ASTN2: variants seen among roughly 807,000 people sequenced by gnomAD.
The protein encoded by ASTN2 is astrotactin 2.
ASTN2 carries 54 observed loss-of-function variants against 139.8 expected under a neutral mutation model. The ratio of observed to expected loss-of-function variants is 0.39; its 90% CI spans 0.31 to 0.48. The LOEUF (loss-of-function observed/expected upper bound fraction) is 0.48. Ranked by LOEUF, ASTN2 falls within the 20% of genes least tolerant of loss-of-function variation. The pLI is 0.95. For synonymous variants in ASTN2, 756 were observed against 719.5 expected (o/e 1.05, Z -0.81); for missense variants, 1,565 against 1,725.1 (o/e 0.91, Z 1.64).
At chr9:116,536,370 T>C (rs554008029) in intron 19 of ASTN2, among the ~76,000 whole-genome samples, 1 of 152,294 alleles carries the variant, frequency 6.6e-6, no homozygotes, top group South Asian at 2.1e-4. Flanking sequence ...AAAGTCTTTC[T>C]CCGTCCAGCT....
intron 16 of ASTN2, among the ~76,000 whole-genome samples, chr9:116,714,271 A>G (rs1828249988): frequency 6.6e-6 from 1 of 152,170 alleles, no homozygotes; most frequent in Non-Finnish European, 1.5e-5. Context: ...CTCAAATTCA[A>G]AAGCTGACAG....
At chr9:116,889,378 A>T (rs888295099) in intron 10 of ASTN2, among the ~76,000 whole-genome samples, 1 of 152,090 alleles carries the variant, frequency 6.6e-6, no homozygotes, top group Non-Finnish European at 1.5e-5. Flanking sequence ...CACCTCCTCC[A>T]TGAAGTTAGA....
intron 1 of ASTN2, among the ~76,000 whole-genome samples, chr9:117,371,194 C>G (rs192269620): frequency 6.6e-6 from 1 of 152,184 alleles, no homozygotes; most frequent in African/African-American, 2.4e-5. Flanking sequence ...AGAGTAAACC[C>G]AGCTGGATGT....
intron 19 of ASTN2, among the ~76,000 whole-genome samples, chr9:116,537,294 ATTT>A (rs977480833): frequency 2.0e-5 from 3 of 152,002 alleles, no homozygotes; most frequent in Non-Finnish European, 4.4e-5. Context: ...AATTTCTATA[ATTT>A]TTTTCTTTTA....
chr9:116,587,345 T>TAAAAAAA (rs376336813), intron 19 of ASTN2, among the ~76,000 whole-genome samples: 1 of 83,298 alleles, frequency 1.2e-5, no homozygotes. Flanking sequence ...CATCTCAAAT[T>TAAAAAAA]TAAAAAAAAA....
chr9:116,875,328 C>T (rs1352367844), intron 10 of ASTN2, among the ~76,000 whole-genome samples: 2 of 152,180 alleles, frequency 1.3e-5, no homozygotes, highest in Non-Finnish European at 2.9e-5. Context: ...AAACCAGCTA[C>T]AATATTCCCT....
chr9:116,623,145 CTCTGTGTGTGTG>C (rs1856252452), intron 17 of ASTN2, among the ~76,000 whole-genome samples: 3 of 113,104 alleles, frequency 2.7e-5, no homozygotes, highest in Admixed American at 9.8e-5. Flanking sequence ...AGAGAGCATA[CTCTGTGTGTGTG>C]TGTGTGTGTG....
chr9:116,829,414 C>A (rs1472526209), intron 11 of ASTN2, among the ~76,000 whole-genome samples: 1 of 151,722 alleles, frequency 6.6e-6, no homozygotes, highest in Non-Finnish European at 1.5e-5. Flanking sequence ...TAAAATGATA[C>A]TCCAGTTGTA....
chr9:116,656,447 A>G (rs992746455), intron 16 of ASTN2, among the ~76,000 whole-genome samples: 1 of 152,122 alleles, frequency 6.6e-6, no homozygotes, highest in Non-Finnish European at 1.5e-5. Context: ...TGAATGGGAG[A>G]GTTAGGTTAA....
chr9:116,918,466 G>T (rs922008128), intron 10 of ASTN2, among the ~76,000 whole-genome samples: 2 of 152,136 alleles, frequency 1.3e-5, no homozygotes, highest in African/African-American at 4.8e-5. Flanking sequence ...TTCTCTCCCA[G>T]CTCTTCCCTG....
At chr9:117,096,182 T>A in intron 4 of ASTN2, 31 bp from the exon 5 acceptor site, 2 of 1,571,142 alleles carry the variant, frequency 1.3e-6, no homozygotes, top group Non-Finnish European at 1.8e-6. Context: ...TCAGTTAGTC[T>A]CCCAGGCCTC....
chr9:117,306,075 C>G (rs10733628), intron 1 of ASTN2, among the ~76,000 whole-genome samples: 90,439 of 152,050 alleles, frequency 0.59, 27,023 homozygotes, highest in Admixed American at 0.65. Context: ...CCTCTTCAGG[C>G]CACTGTGGTT....
intron 10 of ASTN2, among the ~76,000 whole-genome samples, chr9:116,944,614 G>A (rs1031964137): frequency 2.1e-4 from 31 of 149,628 alleles, no homozygotes; most frequent in African/African-American, 7.4e-4. Flanking sequence ...CCCAGGGGAC[G>A]GATGCTGCAG....
At chr9:116,557,304 A>G (rs891317664) in intron 19 of ASTN2, among the ~76,000 whole-genome samples, 8 of 151,810 alleles carry the variant, frequency 5.3e-5, no homozygotes, top group Non-Finnish European at 1.0e-4. Context: ...TTGAGAGTAC[A>G]TCACTACAAC....
At chr9:117,362,111 A>T (rs1441900877) in intron 1 of ASTN2, among the ~76,000 whole-genome samples, 1 of 152,134 alleles carries the variant, frequency 6.6e-6, no homozygotes, top group Non-Finnish European at 1.5e-5. Context: ...AGTGGCTGGT[A>T]TTACAGGCAT....
intron 6 of ASTN2, among the ~76,000 whole-genome samples, chr9:117,025,634 T>G (rs535071682): frequency 1.4e-4 from 22 of 152,146 alleles, no homozygotes; most frequent in Non-Finnish European, 5.9e-5. Flanking sequence ...AGATGTCACC[T>G]GAGATATTAC....
At chr9:116,471,586 G>A (rs952794301) in intron 20 of ASTN2, among the ~76,000 whole-genome samples, 1 of 152,008 alleles carries the variant, frequency 6.6e-6, no homozygotes, top group African/African-American at 2.4e-5. Flanking sequence ...GACAGAGAAG[G>A]AAGTTGGGCA....
intron 5 of ASTN2, among the ~76,000 whole-genome samples, chr9:117,047,088 G>A (rs1838769652): frequency 6.6e-6 from 1 of 152,184 alleles, no homozygotes; most frequent in South Asian, 2.1e-4. Context: ...GATTCCCACA[G>A]CACCTGAGCT....
intron 3 of ASTN2, among the ~76,000 whole-genome samples, chr9:117,188,853 C>T (rs1198034240): frequency 6.6e-6 from 1 of 152,126 alleles, no homozygotes; most frequent in Non-Finnish European, 1.5e-5. Flanking sequence ...GAGCCAGGTA[C>T]CCGTGGGAAT....
Sources: gnomAD v4.1 joint callset for allele counts (sites outside exome capture counted in the v4.1 genomes callset) on GRCh38, gnomAD v4.1.1 for gene constraint, MANE v1.5 for transcripts, NCBI Gene and HGNC (gene_info 2026-07-23, HGNC 2026-07-21) for gene names.